Variants in GLI3 observed in about 807,000 individuals in gnomAD.
GLI3 encodes GLI family zinc finger 3.
In GLI3, 20 loss-of-function variants were observed where a neutral mutation model predicts 100.8. The ratio of observed to expected loss-of-function variants is 0.20; its 90% CI spans 0.14 to 0.29. The LOEUF (loss-of-function observed/expected upper bound fraction) is 0.29, where lower values mean the gene tolerates loss of function less well. Ranked by LOEUF, GLI3 falls within the 10% of genes least tolerant of loss-of-function variation. GLI3 has a pLI of 1.00. For synonymous variants in GLI3, 938 were observed against 860.5 expected, an observed-to-expected ratio of 1.09 and a Z score of -1.58; for missense variants, 2,040 against 2,128.5, an observed-to-expected ratio of 0.96 and a Z score of 0.82.
intron 2 of GLI3, among the ~76,000 whole-genome samples, chr7:42,185,856 T>C (rs1468707780): frequency 6.6e-6 from 1 of 152,208 alleles, no homozygotes; most frequent in Admixed American, 6.5e-5. Context: ...CTCTCAGAGC[T>C]TAGAGCCTCA....
chr7:41,974,600 G>A (rs1787458681), intron 12 of GLI3, among the ~76,000 whole-genome samples: 2 of 152,204 alleles, frequency 1.3e-5, no homozygotes. Context: ...AATATAAAGT[G>A]TGAAAGCTAT....
chr7:41,997,682 CG>C (rs1788165646), intron 10 of GLI3, among the ~76,000 whole-genome samples: 1 of 152,170 alleles, frequency 6.6e-6, no homozygotes, highest in African/African-American at 2.4e-5. Context: ...GTTTATTTTG[CG>C]TGAGCATGGC....
chr7:42,091,253 C>T (rs1204032297), intron 3 of GLI3, among the ~76,000 whole-genome samples: 1 of 152,250 alleles, frequency 6.6e-6, no homozygotes, highest in Non-Finnish European at 1.5e-5. Flanking sequence ...TTGCCAACGA[C>T]AAAAGCTAAA....
rs1444146541 is a variant in GLI3, at chr7:42,126,739, A to T, written c.367+21487T>A. On this transcript the variant is annotated intron_variant, in intron 3 of 14. Coordinates refer to ENST00000395925, the MANE Select transcript of GLI3 (RefSeq NM_000168.6). ...GTGTTTTATCTGCACAGTATTTAAAATTTTCAGAAAAGTATACACCTCACT... is the reference window on the plus strand; with the variant it reads ...GTGTTTTATCTGCACAGTATTTAAATTTTTCAGAAAAGTATACACCTCACT... 2.6e-5 allele frequency among the ~76,000 whole-genome samples: 4 copies of T among 152,306 alleles called. No individual in the cohort carries two copies. In the East Asian group the frequency reaches 7.7e-4, roughly 29 times the overall value.
At chr7:42,038,154 C>T (rs1005370820) in intron 7 of GLI3, among the ~76,000 whole-genome samples, 9 of 152,156 alleles carry the variant, frequency 5.9e-5, no homozygotes, top group African/African-American at 1.4e-4. Flanking sequence ...GCAGTAAAGT[C>T]GCCTCCAGTC....
chr7:41,968,238 A>G (rs1787242785), intron 13 of GLI3, among the ~76,000 whole-genome samples: 1 of 152,116 alleles, frequency 6.6e-6, no homozygotes, highest in Non-Finnish European at 1.5e-5. Flanking sequence ...TCCCATCTCC[A>G]CCACTTTATT....
At chr7:42,049,903 C>G (rs78837282) in intron 4 of GLI3, among the ~76,000 whole-genome samples, 9,533 of 152,290 alleles carry the variant, frequency 0.063, 432 homozygotes, top group Non-Finnish European at 0.097. Context: ...AATTCCTCTT[C>G]CACCACTGGC....
At chr7:42,069,409 C>A (rs1281077291) in intron 4 of GLI3, among the ~76,000 whole-genome samples, 2 of 152,158 alleles carry the variant, frequency 1.3e-5, no homozygotes, top group African/African-American at 4.8e-5. Flanking sequence ...GGAATTGAAA[C>A]TCAACCATCT....
intron 4 of GLI3, among the ~76,000 whole-genome samples, chr7:42,076,159 A>G (rs991786718): frequency 6.6e-6 from 1 of 152,236 alleles, no homozygotes; most frequent in African/African-American, 2.4e-5. Context: ...AAACCAAGGA[A>G]GATGGTATTT....
intron 3 of GLI3, among the ~76,000 whole-genome samples, chr7:42,105,820 A>G (rs542069824): frequency 1.4e-4 from 21 of 152,162 alleles, no homozygotes; most frequent in African/African-American, 4.8e-4. Flanking sequence ...GCAAAGAGGC[A>G]GCTCTGTCTC....
At chr7:42,236,377 T>A (rs759728800) in intron 1 of GLI3, among the ~76,000 whole-genome samples, 1 of 152,154 alleles carries the variant, frequency 6.6e-6, no homozygotes, top group Non-Finnish European at 1.5e-5. Context: ...CATATACAGA[T>A]GGTACAACTT....
chr7:42,002,076 A>G lies in GLI3; in HGVS notation c.1497+21392T>C, dbSNP rs1457166114. On this transcript the variant is annotated intron_variant, in intron 10 of 14. Transcript: ENST00000395925. ...GCAAGACACACACACACACACACACACGCACACACACACACGTGTGCAAAT... is the reference window on the plus strand; with the variant it reads ...GCAAGACACACACACACACACACACGCGCACACACACACACGTGTGCAAAT... Among the ~76,000 whole-genome samples the G allele has an allele frequency of 3.3e-5, 5 of 151,398 alleles. No individual in the cohort carries two copies. In the East Asian group the frequency reaches 5.8e-4, roughly 18 times the overall value.
In GLI3 at chr7:42,148,135, GCACACA is replaced by G. The variant is rs34148485; in HGVS notation, c.367+85_367+90del. Reference sequence around the variant, plus strand: ...TACAAGCCAAAACTTCATAAAGCGCGCACACACACACACACACACACACACACACAC... The same window carrying G: ...TACAAGCCAAAACTTCATAAAGCGCGCACACACACACACACACACACACAC... On this transcript the variant is annotated intron_variant, in intron 3 of 14. Coordinates refer to ENST00000395925, the MANE Select transcript of GLI3 (RefSeq NM_000168.6). 0.18 allele frequency: 154,144 copies of G among 858,452 alleles called. 3,410 individuals carry two copies. The highest frequency in any genetic ancestry group is 0.2 in the Non-Finnish European group (118,235 of 588,194). 53.2% of individuals were successfully genotyped at this position (858,452 alleles called of 1,614,324 possible).
intron 4 of GLI3, among the ~76,000 whole-genome samples, chr7:42,071,507 T>A (rs1015688084): frequency 6.6e-6 from 1 of 152,070 alleles, no homozygotes; most frequent in East Asian, 1.9e-4. Flanking sequence ...ACAGGCCCAA[T>A]ATAGTGTTTT....
At chr7:42,204,283 C>T (rs140996341) in intron 2 of GLI3, among the ~76,000 whole-genome samples, 263 of 150,172 alleles carry the variant, frequency 1.8e-3, no homozygotes, top group African/African-American at 6.3e-3. Flanking sequence ...ACCATTTCCC[C>T]AAACCACCGA....
intron 10 of GLI3, among the ~76,000 whole-genome samples, chr7:42,011,604 C>T (rs1788615088): frequency 1.3e-5 from 2 of 152,138 alleles, no homozygotes; most frequent in Admixed American, 1.3e-4. Context: ...TGATACCTGC[C>T]ACAGCATCAA....
Position 41,965,299 on chromosome 7 carries a change from G to A in GLI3, c.3774C>T (p.Leu1258=). The A allele has an allele frequency of 6.2e-7, 1 of 1,613,882 alleles. No homozygotes were observed. Among genetic ancestry groups the A allele is most frequent in the African/African-American group, 1.3e-5 (1 of 75,060 alleles). ...PCKAPQYGNC[L]NRQPVAPGAL... is the part of the protein sequence containing the mutation. Reference sequence around the variant, plus strand: ...CACCAGGGGCCACTGGCTGCCTGTTGAGACAGTTCCCATACTGCGGGGCCT... The same window carrying A: ...CACCAGGGGCCACTGGCTGCCTGTTAAGACAGTTCCCATACTGCGGGGCCT... Residue 1258 remains leucine (L), a synonymous_variant, in exon 15 of 15, where the codon CTC becomes CTT. Coordinates refer to ENST00000395925, the MANE Select transcript of GLI3 (RefSeq NM_000168.6).
chr7:42,140,800 T>C (rs929019927), intron 3 of GLI3, among the ~76,000 whole-genome samples: 1 of 152,192 alleles, frequency 6.6e-6, no homozygotes, highest in African/African-American at 2.4e-5. Context: ...TAACATTCTT[T>C]AATTATACAA....
Position 42,084,901 on chromosome 7 carries a change from C to CTTTTTTTTTTTTTTT in GLI3, c.368-8059_368-8045dup, listed in dbSNP as rs747166719. On this transcript the variant is annotated intron_variant, in intron 3 of 14. Coordinates refer to ENST00000395925, the MANE Select transcript of GLI3 (RefSeq NM_000168.6). ...AGCTCTAAAAATATGCATTTGGATT[C>CTTTTTTTTTTTTTTT]TTTTTTTTTTTTTTTTTTTTTTTTT... is the stretch of plus-strand genomic sequence containing the variant. Among the ~76,000 whole-genome samples the CTTTTTTTTTTTTTTT allele has an allele frequency of 1.9e-4, 9 of 47,514 alleles. 2 individuals are homozygous for CTTTTTTTTTTTTTTT. The highest frequency in any genetic ancestry group is 2.4e-4 in the Non-Finnish European group (7 of 28,718). 31.2% of individuals were successfully genotyped at this position (47,514 alleles called of 152,430 possible).
Sources: gnomAD v4.1 joint callset for allele counts (sites outside exome capture counted in the v4.1 genomes callset) on GRCh38, gnomAD v4.1.1 for gene constraint, MANE v1.5 for transcripts, NCBI Gene and HGNC (gene_info 2026-07-23, HGNC 2026-07-21) for gene names.